The following TTC28 variants were observed in gnomAD, a reference collection of about 807,000 sequenced individuals.
TTC28 encodes the protein tetratricopeptide repeat protein 28.
A neutral mutation model predicts 198.0 loss-of-function variants in TTC28; 61 were observed. That is an observed-to-expected ratio of 0.31 (90% CI 0.25 to 0.38). The LOEUF is 0.38. TTC28 is among the 10% of genes least tolerant of loss of function. The pLI, the probability that TTC28 is intolerant of heterozygous loss-of-function variation, is 1.00. For synonymous variants in TTC28, 1,171 were observed against 1,297.8 expected, an observed-to-expected ratio of 0.90 and a Z score of 2.10; for missense variants, 2,678 against 3,164.0, an observed-to-expected ratio of 0.85 and a Z score of 3.69.
intron 12 of TTC28, among the ~76,000 whole-genome samples, chr22:28,068,249 G>A (rs1342861450): frequency 6.6e-6 from 1 of 152,132 alleles, no homozygotes; most frequent in Non-Finnish European, 1.5e-5. Flanking sequence ...TGGAGACCTG[G>A]GTTCAAGTTC....
Position 28,199,530 on chromosome 22 carries a change from C to CATATATATATATATATATAT in TTC28, c.934-35932_934-35931insATATATATATATATATATAT, listed in dbSNP as rs10689151. ...CTCTTCAAAAAAAGAAATACCTATA[C>CATATATATATATATATATAT]ATATATATATATATATATACACACA... On this transcript the variant is annotated intron_variant, in intron 5 of 22. Transcript: ENST00000397906. Among the ~76,000 whole-genome samples, 474 of 138,874 alleles carry CATATATATATATATATATAT rather than the reference C, an allele frequency of 3.4e-3. 3 individuals are homozygous for CATATATATATATATATATAT. The highest frequency in any genetic ancestry group is 6.0e-3 in the South Asian group (26 of 4,304). The allele number at this position is 138,874 out of a possible 152,430, so 91.1% of individuals were successfully genotyped here.
chr22:28,633,499 G>C (rs939925075), intron 1 of TTC28, among the ~76,000 whole-genome samples: 1 of 151,794 alleles, frequency 6.6e-6, no homozygotes, highest in Admixed American at 6.6e-5. Flanking sequence ...TGGGTGACAC[G>C]CACCTGTATT....
intron 2 of TTC28, among the ~76,000 whole-genome samples, chr22:28,420,628 C>T (rs1281739236): frequency 1.3e-5 from 2 of 150,756 alleles, no homozygotes; most frequent in Non-Finnish European, 2.9e-5. Context: ...GACAGAGTCT[C>T]GTTCTGTCGC....
At chr22:28,241,701 T>G (rs1929667281) in intron 5 of TTC28, among the ~76,000 whole-genome samples, 2 of 152,106 alleles carry the variant, frequency 1.3e-5, no homozygotes, top group Admixed American at 6.6e-5. Context: ...TATACTAATT[T>G]TACAACTTTT....
At chr22:28,387,985 G>A (rs1050987657) in intron 2 of TTC28, among the ~76,000 whole-genome samples, 44 of 152,212 alleles carry the variant, frequency 2.9e-4, no homozygotes, top group Admixed American at 1.6e-3. Context: ...TAGGTCTAAC[G>A]TTTAAGTCTT....
rs11362041 is a variant in TTC28 at position 28,043,242 on chromosome 22, C to CAAAAAAAAAAAAAAAA, written c.3933-12892_3933-12877dup. ...TGCATAACAGAGTAAGACTCCATCTCAAAAAAAAAAAAAAAAAAAAAAAAA... is the reference window on the plus strand; with the variant it reads ...TGCATAACAGAGTAAGACTCCATCTCAAAAAAAAAAAAAAAAAAAAAAAAAAAAAAAAAAAAAAAAA... On this transcript the variant is annotated intron_variant, in intron 12 of 22. Coordinates refer to ENST00000397906, the MANE Select transcript of TTC28 (RefSeq NM_001145418.2). Among the ~76,000 whole-genome samples, 83 of 65,568 alleles carry CAAAAAAAAAAAAAAAA rather than the reference C, an allele frequency of 1.3e-3. 7 individuals are homozygous for CAAAAAAAAAAAAAAAA. The highest frequency in any genetic ancestry group is 0.015 in the Middle Eastern group (1 of 68). 43.0% of individuals were successfully genotyped at this position (65,568 alleles called of 152,430 possible).
At chr22:28,068,667 CA>C (rs539177405) in intron 12 of TTC28, among the ~76,000 whole-genome samples, 116 of 152,212 alleles carry the variant, frequency 7.6e-4, no homozygotes, top group Middle Eastern at 3.4e-3. Context: ...AGGGGGAGTT[CA>C]GGGAATTGTA....
At chr22:28,004,033 G>A (rs554158185) in intron 14 of TTC28, among the ~76,000 whole-genome samples, 1 of 152,332 alleles carries the variant, frequency 6.6e-6, no homozygotes, top group Non-Finnish European at 1.5e-5. Context: ...GCACACAAGA[G>A]GCCATTGCTG....
chr22:28,432,577 A>T (rs1000015179), intron 2 of TTC28, among the ~76,000 whole-genome samples: 1 of 152,200 alleles, frequency 6.6e-6, no homozygotes, highest in African/African-American at 2.4e-5. Flanking sequence ...TTTCATGAAT[A>T]CTATGAATAG....
chr22:28,087,057 T>G (rs927364015), intron 12 of TTC28, among the ~76,000 whole-genome samples: 1 of 152,116 alleles, frequency 6.6e-6, no homozygotes, highest in Non-Finnish European at 1.5e-5. Context: ...ACCAGACGGA[T>G]TCACAGCGGA....
At chr22:28,567,614 G>A (rs1023371184) in intron 2 of TTC28, among the ~76,000 whole-genome samples, 1 of 150,176 alleles carries the variant, frequency 6.7e-6, no homozygotes, top group African/African-American at 2.4e-5. Flanking sequence ...TTCTAACCTA[G>A]CATTCTATAA....
intron 2 of TTC28, among the ~76,000 whole-genome samples, chr22:28,334,921 T>C (rs1053255609): frequency 1.3e-5 from 2 of 152,192 alleles, no homozygotes; most frequent in Non-Finnish European, 2.9e-5. Flanking sequence ...AGACATGAAG[T>C]CCTTGGCCAT....
In TTC28 at chr22:28,304,510, A is replaced by T. The variant is rs142273265; in HGVS notation, c.529+1986T>A. Among the ~76,000 whole-genome samples the T allele has an allele frequency of 2.4e-3, 359 of 152,318 alleles. 3 individuals are homozygous for T. The highest frequency in any genetic ancestry group is 9.5e-3 in the East Asian group (49 of 5,182). On this transcript the variant is annotated intron_variant, in intron 3 of 22. Coordinates refer to ENST00000397906, the MANE Select transcript of TTC28 (RefSeq NM_001145418.2). Reference sequence around the variant, plus strand: ...TTAAATTGCCTTAAGGGAAGAGAAGAAGATATTGAAGCACTCCAGGAACCA... The same window carrying T: ...TTAAATTGCCTTAAGGGAAGAGAAGTAGATATTGAAGCACTCCAGGAACCA...
chr22:28,586,195 C>T lies in TTC28; in HGVS notation c.381+43357G>A, dbSNP rs529151249. Among the ~76,000 whole-genome samples, 16 of 151,092 alleles carry T rather than the reference C, an allele frequency of 1.1e-4. No individual in the cohort carries two copies. In the South Asian group the frequency reaches 3.4e-3, roughly 32 times the overall value. Reference sequence around the variant, plus strand: ...TCGGGAGGCTGAGGCAGGAGAATAGCGTGAACCTGGGAGGCAGAGCTTGCA... The same window carrying T: ...TCGGGAGGCTGAGGCAGGAGAATAGTGTGAACCTGGGAGGCAGAGCTTGCA... On this transcript the variant is annotated intron_variant, in intron 2 of 22. Coordinates refer to ENST00000397906, the MANE Select transcript of TTC28 (RefSeq NM_001145418.2).
intron 5 of TTC28, among the ~76,000 whole-genome samples, chr22:28,255,979 A>T (rs9613582): frequency 6.6e-6 from 1 of 152,210 alleles, no homozygotes; most frequent in East Asian, 1.9e-4. Context: ...ATATGACTAC[A>T]TATATTTTTT....
chr22:28,497,973 G>T (rs146775447), intron 2 of TTC28, among the ~76,000 whole-genome samples: 1 of 152,010 alleles, frequency 6.6e-6, no homozygotes, highest in Non-Finnish European at 1.5e-5. Flanking sequence ...ATTAGCAAAA[G>T]AAGAGAAAAA....
chr22:28,624,292 G>A (rs2051044161), intron 2 of TTC28, among the ~76,000 whole-genome samples: 1 of 151,866 alleles, frequency 6.6e-6, no homozygotes, highest in Admixed American at 6.6e-5. Flanking sequence ...GCAGGAGAAT[G>A]GCGTGAACCC....
intron 2 of TTC28, among the ~76,000 whole-genome samples, chr22:28,619,663 A>C (rs1007536133): frequency 1.3e-5 from 2 of 152,250 alleles, no homozygotes; most frequent in African/African-American, 2.4e-5. Flanking sequence ...ATTTCAAAAA[A>C]TTTCTGCATC....
intron 5 of TTC28, among the ~76,000 whole-genome samples, chr22:28,275,994 T>C (rs2145721155): frequency 6.6e-6 from 1 of 151,988 alleles, no homozygotes; most frequent in Non-Finnish European, 1.5e-5. Flanking sequence ...ATAAACAAAA[T>C]AATGACTGTC....
Sources: allele counts gnomAD v4.1 joint callset (sites outside exome capture counted in the v4.1 genomes callset), GRCh38; gene constraint gnomAD v4.1.1; transcripts MANE v1.5; gene names NCBI Gene and HGNC (gene_info 2026-07-23, HGNC 2026-07-21).